ARSB: variants seen among roughly 807,000 people sequenced by gnomAD.
The protein encoded by ARSB is N-acetylgalactosamine-4-sulfatase.
ARSB carries 41 observed loss-of-function variants against 50.9 expected under a neutral mutation model. The observed-to-expected ratio is 0.81, with a 90% CI of 0.63 to 1.04. The LOEUF (loss-of-function observed/expected upper bound fraction) is 1.04, where lower values mean the gene tolerates loss of function less well. Among genes scored for constraint, ARSB ranks in the 50% least tolerant of loss-of-function variants. The pLI is 0.00. For synonymous variants in ARSB, 269 were observed against 284.8 expected (o/e 0.94, Z 0.56); for missense variants, 672 against 693.3 (o/e 0.97, Z 0.35).
chr5:78,887,193 C>G (rs545469400), intron 4 of ARSB, among the ~76,000 whole-genome samples: 10 of 152,224 alleles, frequency 6.6e-5, no homozygotes, highest in Admixed American at 4.6e-4. Context: ...ACTGATAAGT[C>G]CAAGCGCTAG....
At chr5:78,814,541 T>C (rs1172232843) in intron 6 of ARSB, among the ~76,000 whole-genome samples, 1 of 150,906 alleles carries the variant, frequency 6.6e-6, no homozygotes, top group Non-Finnish European at 1.5e-5. Context: ...CCACTCTTTT[T>C]TTTGAAGTCT....
At position 78,907,076 on chromosome 5, in the gene ARSB, T is replaced by G. The variant is rs149009628; in HGVS notation, c.899-21249A>C. 6.1e-4 allele frequency among the ~76,000 whole-genome samples: 92 copies of G among 151,948 alleles called. 1 individual carries two copies. The highest frequency in any genetic ancestry group is 2.2e-3 in the African/African-American group (90 of 41,330). On this transcript the variant is annotated intron_variant, in intron 4 of 7. Transcript: ENST00000264914. ...GCCTATGTGAAAAAATACAAGACTG[T>G]ACACAACTAAGGGCAAAAAAGATAC...
intron 6 of ARSB, among the ~76,000 whole-genome samples, chr5:78,790,838 A>G (rs547215183): frequency 6.6e-6 from 1 of 152,280 alleles, no homozygotes; most frequent in East Asian, 1.9e-4. Flanking sequence ...CAAAAAAACA[A>G]CCAAAGTCAC....
intron 5 of ARSB, chr5:78,884,055 A>G (rs1260516110): frequency 6.6e-6 from 1 of 152,192 alleles, no homozygotes; most frequent in African/African-American, 2.4e-5. Context: ...GAGACTAAGT[A>G]GGTAACCTAA....
chr5:78,958,596 T>C (rs6453421), intron 3 of ARSB, among the ~76,000 whole-genome samples: 1 of 152,058 alleles, frequency 6.6e-6, no homozygotes. Context: ...TAAAAGAATA[T>C]AAATTTTCAG....
chr5:78,938,239 A>AG lies in ARSB; in HGVS notation c.898+17055dup, dbSNP rs1476596833. Among the ~76,000 whole-genome samples, 47 of 152,378 alleles carry AG rather than the reference A, an allele frequency of 3.1e-4. No individual in the cohort carries two copies. The East Asian group carries it at 7.1e-3, about 23-fold the overall frequency. On this transcript the variant is annotated intron_variant, in intron 4 of 7. Transcript: ENST00000264914. ...GGACACCAAATCAGCATGGCTGTTC[A>AG]GTAAAATGTATTGGTTATTATTTTC...
At chr5:78,916,965 A>G (rs1176785511) in intron 4 of ARSB, among the ~76,000 whole-genome samples, 1 of 152,244 alleles carries the variant, frequency 6.6e-6, no homozygotes, top group Non-Finnish European at 1.5e-5. Context: ...CAGGTGATAA[A>G]TAAGGAAAGC....
At chr5:78,837,528 C>T (rs1448869059) in intron 6 of ARSB, among the ~76,000 whole-genome samples, 1 of 151,950 alleles carries the variant, frequency 6.6e-6, no homozygotes, top group Non-Finnish European at 1.5e-5. Flanking sequence ...GGTTTTTAGG[C>T]CAATAGAAAT....
intron 4 of ARSB, among the ~76,000 whole-genome samples, chr5:78,951,854 A>C (rs1371305881): frequency 1.3e-5 from 2 of 152,240 alleles, no homozygotes; most frequent in East Asian, 1.9e-4. Flanking sequence ...GCATAGAAAA[A>C]GATGGCAAAA....
intron 5 of ARSB, among the ~76,000 whole-genome samples, chr5:78,878,628 T>G (rs923106640): frequency 3.9e-5 from 6 of 151,962 alleles, no homozygotes; most frequent in African/African-American, 1.4e-4. Flanking sequence ...TGGACCATCA[T>G]GCTTTATTTG....
At chr5:78,820,933 T>C (rs969432383) in intron 6 of ARSB, among the ~76,000 whole-genome samples, 2 of 151,018 alleles carry the variant, frequency 1.3e-5, no homozygotes, top group Non-Finnish European at 2.9e-5. Context: ...GAAAAAAGTA[T>C]GTGGCAAAAA....
chr5:78,973,143 T>G (rs968675870), intron 1 of ARSB, among the ~76,000 whole-genome samples: 2 of 151,984 alleles, frequency 1.3e-5, no homozygotes, highest in African/African-American at 4.8e-5. Flanking sequence ...CGGGCACCAA[T>G]AGGAATCAAA....
chr5:78,905,344 G>GTTTTTTGT lies in ARSB; in HGVS notation c.899-19518_899-19517insACAAAAAA, dbSNP rs1554081216. 3.9e-4 allele frequency among the ~76,000 whole-genome samples: 51 copies of GTTTTTTGT among 130,554 alleles called. No individual in the cohort carries two copies. In the East Asian group the frequency reaches 9.9e-3, roughly 25 times the overall value. 85.6% of individuals were successfully genotyped at this position (130,554 alleles called of 152,430 possible). ...CCTTGAGTACTGCTCGTATTTTCCT[G>GTTTTTTGT]TTTTTTTTTTTTTGTATAATGAGTA... On this transcript the variant is annotated intron_variant, in intron 4 of 7. Coordinates refer to ENST00000264914, the MANE Select transcript of ARSB (RefSeq NM_000046.5).
chr5:78,831,166 A>G lies in ARSB; in HGVS notation c.1213+8190T>C, dbSNP rs1001439875. The stretch of plus-strand genomic sequence containing the variant: ...GGACATATTTACAGGAGATATTGTT[A>G]TAATCGTTCCCAACGTATAGGTGAT... On this transcript the variant is annotated intron_variant, in intron 6 of 7. Coordinates refer to ENST00000264914, the MANE Select transcript of ARSB (RefSeq NM_000046.5). Among the ~76,000 whole-genome samples, 3 of 152,280 alleles carry G rather than the reference A, an allele frequency of 2.0e-5. No homozygotes were observed. In the East Asian group the frequency reaches 5.8e-4, roughly 29 times the overall value.
At chr5:78,828,288 TC>T (rs1274385232) in intron 6 of ARSB, among the ~76,000 whole-genome samples, 1 of 152,072 alleles carries the variant, frequency 6.6e-6, no homozygotes, top group Non-Finnish European at 1.5e-5. Context: ...CACCCCCCCA[TC>T]TATTATTTGT....
rs370007097 is a variant in ARSB, at chr5:78,861,434, C to T, written c.1143-22008G>A. ...CCACCAAGATCAAGTTGGCTTCATCCCTGGGATGCATGGCTGGTTCAACAT... is the reference window on the plus strand; with the variant it reads ...CCACCAAGATCAAGTTGGCTTCATCTCTGGGATGCATGGCTGGTTCAACAT... On this transcript the variant is annotated intron_variant, in intron 5 of 7. Transcript: ENST00000264914. Among the ~76,000 whole-genome samples the T allele has an allele frequency of 9.2e-5, 14 of 152,208 alleles. No homozygotes were observed. In the South Asian group the frequency reaches 1.5e-3, roughly 16 times the overall value.
At chr5:78,838,892 G>A (rs555136409) in intron 6 of ARSB, among the ~76,000 whole-genome samples, 2 of 152,366 alleles carry the variant, frequency 1.3e-5, no homozygotes, top group African/African-American at 4.8e-5. Context: ...GTGACACCCA[G>A]CAGGTGTTGG....
rs142320298 is a variant in ARSB, at chr5:78,815,611, C to A, written c.1213+23745G>T. On this transcript the variant is annotated intron_variant, in intron 6 of 7. Transcript: ENST00000264914. ...TTTCAAAATTTCTGTTTTTAGCTGACTTCACTCTTCTCTATATGCTATTAG... is the reference window on the plus strand; with the variant it reads ...TTTCAAAATTTCTGTTTTTAGCTGAATTCACTCTTCTCTATATGCTATTAG... The A allele has an allele frequency of 2.8e-4, 272 of 986,470 alleles. 15 individuals carry two copies. In the Middle Eastern group the frequency reaches 6.3e-3, roughly 23 times the overall value. The allele number at this position is 986,470 out of a possible 1,614,324, so 61.1% of individuals were successfully genotyped here. A position where few individuals can be genotyped will look rare whatever the true frequency, so the allele number is the denominator to read the frequency against.
intron 5 of ARSB, among the ~76,000 whole-genome samples, chr5:78,852,098 T>C (rs1419243776): frequency 5.9e-5 from 9 of 152,346 alleles, no homozygotes; most frequent in African/African-American, 2.2e-4. Context: ...TTTGATCTTG[T>C]CATTATGATA....
Sources: gnomAD v4.1 joint callset for allele counts (sites outside exome capture counted in the v4.1 genomes callset) on GRCh38, gnomAD v4.1.1 for gene constraint, MANE v1.5 for transcripts, NCBI Gene and HGNC (gene_info 2026-07-23, HGNC 2026-07-21) for gene names.